Variants in DNAI7 observed in about 807,000 individuals in gnomAD.
DNAI7 encodes the protein dynein axonemal intermediate chain 7, also known as cancer susceptibility 1.
In DNAI7, 78 loss-of-function variants were observed where a neutral mutation model predicts 86.6. The ratio of observed to expected loss-of-function variants is 0.90; its 90% CI spans 0.75 to 1.09. DNAI7 has a LOEUF of 1.09. Among genes scored for constraint, DNAI7 ranks in the 50% least tolerant of loss-of-function variants. DNAI7 has a pLI of 0.00. For synonymous variants in DNAI7, 274 were observed against 273.0 expected (o/e 1.00, Z -0.04); for missense variants, 753 against 810.2 (o/e 0.93, Z 0.86).
At chr12:25,182,910 T>G (rs1458401489) in intron 2 of DNAI7, among the ~76,000 whole-genome samples, 1 of 138,542 alleles carries the variant, frequency 7.2e-6, no homozygotes, top group Non-Finnish European at 1.5e-5. Flanking sequence ...GGAAATGAAG[T>G]GAAAAGAAGA....
chr12:25,160,626 C>T (rs1021337097), intron 3 of DNAI7, among the ~76,000 whole-genome samples: 18 of 152,296 alleles, frequency 1.2e-4, no homozygotes, highest in African/African-American at 2.6e-4. Context: ...GGGCCACAGG[C>T]GCCAGGGATA....
downstream of DNAI7, chr12:25,107,920 T>G (rs1414201110): frequency 2.5e-6 from 4 of 1,614,240 alleles, no homozygotes; most frequent in South Asian, 3.3e-5. Context: ...GTTTGCAGCT[T>G]TGATGAGCTT....
chr12:25,132,999 CTT>C (rs898187060), intron 9 of DNAI7, among the ~76,000 whole-genome samples: 4 of 152,180 alleles, frequency 2.6e-5, no homozygotes, highest in Non-Finnish European at 4.4e-5. Flanking sequence ...AATCCAATCT[CTT>C]TTTCGTTCAT....
At chr12:25,176,204 G>A (rs142510388) in intron 2 of DNAI7, among the ~76,000 whole-genome samples, 19 of 151,936 alleles carry the variant, frequency 1.3e-4, no homozygotes, top group African/African-American at 1.9e-4. Context: ...ATATTTCCAC[G>A]CCACTTCCCT....
At chr12:25,191,355 A>C (rs1032737586) in intron 1 of DNAI7, among the ~76,000 whole-genome samples, 1 of 152,092 alleles carries the variant, frequency 6.6e-6, no homozygotes, top group African/African-American at 2.4e-5. Flanking sequence ...GCAGCGAGCC[A>C]TGACACTCAG....
chr12:25,108,970 T>C (rs1949523869), intron 15 of DNAI7, 147 bp from the exon 16 acceptor site: 2 of 544,168 alleles, frequency 3.7e-6, no homozygotes, highest in South Asian at 6.2e-5. Flanking sequence ...TTACTGGGTT[T>C]TGAAAAACCA....
intron 9 of DNAI7, among the ~76,000 whole-genome samples, chr12:25,134,843 C>T (rs1310620853): frequency 6.6e-6 from 1 of 152,210 alleles, no homozygotes; most frequent in Non-Finnish European, 1.5e-5. Context: ...TAGCTGTCTA[C>T]ACTAATTGAT....
intron 2 of DNAI7, among the ~76,000 whole-genome samples, chr12:25,187,000 C>T (rs575817725): frequency 6.6e-6 from 1 of 152,264 alleles, no homozygotes; most frequent in Admixed American, 6.5e-5. Flanking sequence ...TGTCCCCCTA[C>T]AGTGAATTTT....
At chr12:25,107,425 C>G (rs1406975682), downstream of DNAI7, among the ~76,000 whole-genome samples, 2 of 152,100 alleles carry the variant, frequency 1.3e-5, no homozygotes, top group African/African-American at 4.8e-5. Flanking sequence ...GAGCATATCC[C>G]ACAAGAATAA....
chr12:25,194,616 T>C (rs1324460488), intron 1 of DNAI7, among the ~76,000 whole-genome samples: 1 of 152,202 alleles, frequency 6.6e-6, no homozygotes, highest in Non-Finnish European at 1.5e-5. Flanking sequence ...GATGAGAACC[T>C]TGAATCACAA....
At chr12:25,134,727 A>G (rs1047619062) in intron 9 of DNAI7, among the ~76,000 whole-genome samples, 3 of 152,116 alleles carry the variant, frequency 2.0e-5, no homozygotes, top group Non-Finnish European at 4.4e-5. Context: ...ATAACCTAAA[A>G]TGGTTCAATG....
intron 2 of DNAI7, among the ~76,000 whole-genome samples, chr12:25,164,307 A>G (rs971815924): frequency 3.4e-5 from 5 of 148,008 alleles, no homozygotes; most frequent in African/African-American, 1.3e-4. Context: ...CCGTGTCTCT[A>G]CCCCTTCTCC....
intron 9 of DNAI7, among the ~76,000 whole-genome samples, chr12:25,128,778 C>T (rs930489400): frequency 1.3e-5 from 2 of 152,192 alleles, no homozygotes; most frequent in Non-Finnish European, 2.9e-5. Flanking sequence ...GTCCAAACCA[C>T]CATGACTTAT....
chr12:25,145,495 TAA>T (rs1331159770), intron 8 of DNAI7, among the ~76,000 whole-genome samples: 2 of 152,236 alleles, frequency 1.3e-5, no homozygotes, highest in African/African-American at 2.4e-5. Flanking sequence ...TTTAAAACTA[TAA>T]AGAGTTATTT....
intron 2 of DNAI7, among the ~76,000 whole-genome samples, chr12:25,181,782 A>G (rs1191670422): frequency 3.3e-5 from 5 of 152,152 alleles, no homozygotes; most frequent in Admixed American, 2.6e-4. Flanking sequence ...AATGCTCAAG[A>G]TCACTAATCA....
intron 9 of DNAI7, among the ~76,000 whole-genome samples, chr12:25,130,250 T>C (rs530905302): frequency 6.6e-6 from 1 of 152,166 alleles, no homozygotes; most frequent in East Asian, 1.9e-4. Context: ...ATAAAATATT[T>C]ATATGGGCCG....
intron 2 of DNAI7, among the ~76,000 whole-genome samples, chr12:25,189,944 A>G (rs2141378169): frequency 6.6e-6 from 1 of 151,802 alleles, no homozygotes; most frequent in South Asian, 2.1e-4. Context: ...TCTTAAGAAT[A>G]GATGGAAATC....
intron 4 of DNAI7, among the ~76,000 whole-genome samples, chr12:25,156,510 T>C (rs1946189478): frequency 6.6e-6 from 1 of 152,180 alleles, no homozygotes; most frequent in Non-Finnish European, 1.5e-5. Flanking sequence ...ATCTCAGCAC[T>C]TTGGGAGACA....
rs924337072 is a variant in DNAI7 at position 25,155,327 on chromosome 12, G to T, written c.284C>A (p.Thr95Asn). The T allele has an allele frequency of 1.3e-6, 2 of 1,594,856 alleles. No individual in the cohort carries two copies. Among genetic ancestry groups the T allele is most frequent in the Non-Finnish European group, 8.6e-7 (1 of 1,165,842 alleles). ...FPEAEKLKQE[T>N]KLLSQWKHYI... The stretch of plus-strand genomic sequence containing the variant: ...CAGTCCTACCTGAGAAAGCAATTTA[G>T]TTTCCTGTTTCAATTTCTCTGCTTC... Residue 95 changes from threonine to asparagine, a missense_variant, in exon 5 of 16, where the codon ACT (threonine) becomes AAT (asparagine). Thr to Asn is a moderately conservative substitution (Grantham distance 65). Transcript: ENST00000395987.
Sources: gnomAD v4.1 joint callset for allele counts (sites outside exome capture counted in the v4.1 genomes callset) on GRCh38, gnomAD v4.1.1 for gene constraint, MANE v1.5 for transcripts, NCBI Gene and HGNC (gene_info 2026-07-23, HGNC 2026-07-21) for gene names.